The following SLC49A4 variants were observed in gnomAD, a reference collection of about 807,000 sequenced individuals.
SLC49A4 encodes the protein solute carrier family 49 member 4.
SLC49A4 carries 36 observed loss-of-function variants against 50.6 expected under a neutral mutation model. The observed-to-expected ratio is 0.71, with a 90% CI of 0.55 to 0.94. The LOEUF is 0.94. Ranked by LOEUF, SLC49A4 falls within the 40% of genes least tolerant of loss-of-function variation. The pLI is 0.00. For missense variants in SLC49A4, 503 were observed against 605.7 expected, an observed-to-expected ratio of 0.83 and a Z score of 1.78; for synonymous variants, 248 against 241.2, an observed-to-expected ratio of 1.03 and a Z score of -0.26.
chr3:122,867,502 A>T (rs542476118), intron 7 of SLC49A4, among the ~76,000 whole-genome samples: 1 of 152,342 alleles, frequency 6.6e-6, no homozygotes, highest in East Asian at 1.9e-4. Flanking sequence ...ATCAAATAAG[A>T]TAATATATGT....
At chr3:122,803,060 T>G (rs1936156870) in intron 1 of SLC49A4, among the ~76,000 whole-genome samples, 1 of 152,082 alleles carries the variant, frequency 6.6e-6, no homozygotes, top group Non-Finnish European at 1.5e-5. Flanking sequence ...TTTTCCAAAT[T>G]TAATGACTTC....
chr3:122,857,760 A>G (rs1235402141), intron 6 of SLC49A4, among the ~76,000 whole-genome samples: 1 of 152,178 alleles, frequency 6.6e-6, no homozygotes, highest in Non-Finnish European at 1.5e-5. Context: ...TCATTTTTCT[A>G]GTTAAATCTC....
intron 1 of SLC49A4, among the ~76,000 whole-genome samples, chr3:122,796,563 G>A (rs1329569991): frequency 6.6e-6 from 1 of 152,166 alleles, no homozygotes; most frequent in African/African-American, 2.4e-5. Flanking sequence ...CTACACAGTG[G>A]TCTCTTCACT....
chr3:122,859,043 G>A (rs1443652579), intron 6 of SLC49A4, among the ~76,000 whole-genome samples: 1 of 152,160 alleles, frequency 6.6e-6, no homozygotes, highest in Non-Finnish European at 1.5e-5. Flanking sequence ...ATCTGGTAGG[G>A]AAGACAAAAA....
intron 2 of SLC49A4, among the ~76,000 whole-genome samples, chr3:122,820,927 A>G (rs569655090): frequency 3.3e-5 from 5 of 152,288 alleles, no homozygotes; most frequent in African/African-American, 1.2e-4. Flanking sequence ...TCCCCACCCA[A>G]ATCTCATCTT....
rs568954962 is a variant in SLC49A4, at chr3:122,833,381, T to G, written c.768T>G (p.Leu256=). The change falls in exon 4 of 9, where the codon CTT becomes CTG. Residue 256 remains leucine, a synonymous_variant. Coordinates refer to ENST00000261038, the MANE Select transcript of SLC49A4 (RefSeq NM_032839.3). ...TLAYFPPRPP[L]PPSVAAASQR... ...CTTATTTCCCACCCCGACCTCCTCT[T>G]CCTCCCAGTGTTGCTGCAGCTAGCC... The G allele has an allele frequency of 9.3e-6, 15 of 1,613,750 alleles. No homozygotes were observed. The African/African-American group carries it at 2.0e-4, about 22-fold the overall frequency.
At chr3:122,802,215 C>G (rs774564305) in intron 1 of SLC49A4, among the ~76,000 whole-genome samples, 1 of 151,954 alleles carries the variant, frequency 6.6e-6, no homozygotes. Context: ...AAACATTGGG[C>G]GACAGGCAGG....
At chr3:122,801,428 TA>T (rs1936126572) in intron 1 of SLC49A4, among the ~76,000 whole-genome samples, 1 of 152,146 alleles carries the variant, frequency 6.6e-6, no homozygotes, top group Admixed American at 6.5e-5. Context: ...CCCTCTCTAC[TA>T]AAAATACAAG....
At chr3:122,829,484 G>A (rs1347747267) in intron 3 of SLC49A4, among the ~76,000 whole-genome samples, 1 of 152,210 alleles carries the variant, frequency 6.6e-6, no homozygotes, top group Non-Finnish European at 1.5e-5. Context: ...CTGGCACAGT[G>A]GCTTGTGCCT....
rs376001226 is a variant in SLC49A4 at position 122,867,013 on chromosome 3, G to A, written c.1139-5402G>A. On this transcript the variant is annotated intron_variant, in intron 7 of 8. Coordinates refer to ENST00000261038, the MANE Select transcript of SLC49A4 (RefSeq NM_032839.3). Reference sequence around the variant, plus strand: ...CCTTAGAGTATAAGAGTGATCTGAGGATAGAGTGTGTTTTATTTACTGCTC... The same window carrying A: ...CCTTAGAGTATAAGAGTGATCTGAGAATAGAGTGTGTTTTATTTACTGCTC... 7.2e-5 allele frequency among the ~76,000 whole-genome samples: 11 copies of A among 152,274 alleles called. 2 individuals carry two copies. Among genetic ancestry groups the A allele is most frequent in the Admixed American group, 6.5e-5 (1 of 15,292 alleles).
rs1283578096 is a variant in SLC49A4 at position 122,795,517 on chromosome 3, T to G, written c.325T>G (p.Trp109Gly). The change falls in exon 1 of 9, where the codon TGG (tryptophan) becomes GGG (glycine). Residue 109 changes from tryptophan (W) to glycine (G), a missense_variant. Coordinates refer to ENST00000261038, the MANE Select transcript of SLC49A4 (RefSeq NM_032839.3). ...CTTCCTGCCCTGCTTCGCGTTCATG[T>G]GGCTCCTGGACAAGAGAGGTGAGGG... ...IGFLPCFAFM[W>G]LLDKRGLRIT... is the part of the protein sequence containing the mutation. 6.2e-7 allele frequency: 1 copy of G among 1,600,460 alleles called. No individual in the cohort carries two copies.
chr3:122,811,081 G>C (rs1297329705), intron 2 of SLC49A4, among the ~76,000 whole-genome samples: 1 of 152,176 alleles, frequency 6.6e-6, no homozygotes, highest in Non-Finnish European at 1.5e-5. Flanking sequence ...ATTTGACTAT[G>C]TAAAAATTTA....
At position 122,833,339 on chromosome 3, in the gene SLC49A4, A is replaced by G. The variant is rs1375444773; in HGVS notation, c.726A>G (p.Ile242Met). The G allele has an allele frequency of 6.2e-7, 1 of 1,613,096 alleles. No individual in the cohort carries two copies. The highest frequency in any genetic ancestry group is 1.1e-5 in the South Asian group (1 of 91,048). ...CAGAATTTGGAGTTGTCTGCTTAAT[A>G]TTTTCTGCAACACTAGCTTATTTCC... Reference protein sequence around the residue: ...LYAEFGVVCLIFSATLAYFPP... With the variant: ...LYAEFGVVCLMFSATLAYFPP... The change falls in exon 4 of 9, where the codon ATA becomes ATG. Residue 242 changes from isoleucine (I) to methionine (M), a missense_variant. Ile to Met is a conservative substitution (Grantham distance 10). Coordinates refer to ENST00000261038, the MANE Select transcript of SLC49A4 (RefSeq NM_032839.3).
At chr3:122,840,661 C>T (rs1020549804) in intron 4 of SLC49A4, among the ~76,000 whole-genome samples, 13 of 151,988 alleles carry the variant, frequency 8.6e-5, no homozygotes, top group African/African-American at 2.9e-4. Context: ...ATATTTTGCA[C>T]TTAAAGCACA....
At chr3:122,848,738 T>C (rs529898411) in intron 5 of SLC49A4, among the ~76,000 whole-genome samples, 141 of 152,302 alleles carry the variant, frequency 9.3e-4, no homozygotes, top group African/African-American at 3.3e-3. Flanking sequence ...AATATTTTGA[T>C]ACCTGTGCAC....
At chr3:122,877,067 T>C (rs1261005224) in intron 8 of SLC49A4, among the ~76,000 whole-genome samples, 1 of 152,178 alleles carries the variant, frequency 6.6e-6, no homozygotes, top group Non-Finnish European at 1.5e-5. Flanking sequence ...AAAATTTCAG[T>C]GGCTCGCGAT....
chr3:122,842,485 CAAAAAAA>C (rs34914829), intron 4 of SLC49A4, among the ~76,000 whole-genome samples: 3 of 58,758 alleles, frequency 5.1e-5, no homozygotes, highest in Admixed American at 2.8e-4. Context: ...GACTCCGTCT[CAAAAAAA>C]AAAAAAAAAA....
chr3:122,839,150 C>A (rs1474583134), intron 4 of SLC49A4, among the ~76,000 whole-genome samples: 2 of 152,080 alleles, frequency 1.3e-5, no homozygotes, highest in Non-Finnish European at 2.9e-5. Flanking sequence ...AGAAAGGACA[C>A]CCTATTTAAT....
At position 122,872,545 on chromosome 3, in the gene SLC49A4, A is replaced by G. The variant is rs1283164744; in HGVS notation, c.1269A>G (p.Leu423=). 6.2e-7 allele frequency: 1 copy of G among 1,609,144 alleles called. No homozygotes were observed. The highest frequency in any genetic ancestry group is 2.2e-5 in the East Asian group (1 of 44,846). ...EGITCGVVTF[L]SNMFMGVLLF... is the part of the protein sequence containing the mutation. ...TTACTTGTGGAGTTGTCACTTTTTT[A>G]AGTAATATGTTTATGGGAGTACTTT... is the stretch of plus-strand genomic sequence containing the variant. The change falls in exon 8 of 9, where the codon TTA becomes TTG. Residue 423 remains leucine (L), a synonymous_variant. Coordinates refer to ENST00000261038, the MANE Select transcript of SLC49A4 (RefSeq NM_032839.3).
Sources: gnomAD v4.1 joint callset for allele counts (sites outside exome capture counted in the v4.1 genomes callset) on GRCh38, gnomAD v4.1.1 for gene constraint, MANE v1.5 for transcripts, NCBI Gene and HGNC (gene_info 2026-07-23, HGNC 2026-07-21) for gene names.